Variants in SMPD3 observed in about 807,000 individuals in gnomAD.
SMPD3 encodes the protein nSMase-2.
SMPD3 carries 21 observed loss-of-function variants against 55.7 expected under a neutral mutation model. The ratio of observed to expected loss-of-function variants is 0.38; its 90% CI spans 0.27 to 0.54. SMPD3 has a LOEUF of 0.54. Ranked by LOEUF, SMPD3 falls within the 20% of genes least tolerant of loss-of-function variation. The pLI is 0.80. For synonymous variants in SMPD3, 457 were observed against 404.3 expected (o/e 1.13, Z -1.56); for missense variants, 842 against 899.6 (o/e 0.94, Z 0.82).
chr16:68,370,625 C>T (rs935521490), intron 3 of SMPD3, among the ~76,000 whole-genome samples: 5 of 152,028 alleles, frequency 3.3e-5, no homozygotes, highest in African/African-American at 1.2e-4. Context: ...GCCCAGATCA[C>T]CCAGATGGGT....
chr16:68,433,799 A>G (rs566223961), intron 1 of SMPD3, among the ~76,000 whole-genome samples: 3 of 151,598 alleles, frequency 2.0e-5, no homozygotes, highest in Admixed American at 2.0e-4. Context: ...CCCCATGAAT[A>G]TATGTTCTCA....
At position 68,383,207 on chromosome 16, in the gene SMPD3, G is replaced by A. The variant is rs80038689; in HGVS notation, c.-207+3391C>T. On this transcript the variant is annotated intron_variant, in intron 2 of 8. Transcript: ENST00000219334. ...CACCTACACTGTGCAGAGCAAGCTG[G>A]CTCAAGTCATCCCTTCTGCTCAGAG... Among the ~76,000 whole-genome samples, 264 of 152,316 alleles carry A rather than the reference G, an allele frequency of 1.7e-3. 3 individuals carry two copies. The highest frequency in any genetic ancestry group is 6.0e-3 in the African/African-American group (250 of 41,566).
At position 68,371,355 on chromosome 16, in the gene SMPD3, C is replaced by T. The variant is rs752594362; in HGVS notation, c.827G>A (p.Arg276Lys). The change falls in exon 3 of 9, where the codon AGG becomes AAG. Residue 276 changes from arginine (R) to lysine (K), a missense_variant. Arg to Lys is a conservative substitution (Grantham distance 26). Around this residue, in one of 2 missense-constraint regions of SMPD3, gnomAD observed 649 missense variants for 643.6 expected, o/e 1.01. Coordinates refer to ENST00000219334, the MANE Select transcript of SMPD3 (RefSeq NM_018667.4). ...QARNGAGGGP[R>K]GQTPNHNQQD... ...CTGATTATGGTTGGGCGTCTGGCCC[C>T]TTGGGCCCCCGCCAGCTCCGTTCCT... 3.2e-6 allele frequency: 5 copies of T among 1,578,946 alleles called. No individual in the cohort carries two copies. Among genetic ancestry groups the T allele is most frequent in the South Asian group, 1.1e-5 (1 of 87,350 alleles).
At chr16:68,366,055 A>G (rs943286087) in intron 3 of SMPD3, among the ~76,000 whole-genome samples, 1 of 152,148 alleles carries the variant, frequency 6.6e-6, no homozygotes, top group Non-Finnish European at 1.5e-5. Context: ...CAAGCCATGC[A>G]AATCCATTCC....
At chr16:68,445,594 A>G (rs1045791735) in intron 1 of SMPD3, among the ~76,000 whole-genome samples, 4 of 152,178 alleles carry the variant, frequency 2.6e-5, no homozygotes, top group African/African-American at 9.7e-5. Context: ...CCTCTACACC[A>G]TGGGGGAGTG....
intron 1 of SMPD3, among the ~76,000 whole-genome samples, chr16:68,400,935 A>G (rs1401285444): frequency 6.6e-6 from 1 of 152,234 alleles, no homozygotes; most frequent in Non-Finnish European, 1.5e-5. Flanking sequence ...AGGCCAAACA[A>G]TAATCAGATT....
chr16:68,446,278 G>C (rs1002457232), intron 1 of SMPD3, among the ~76,000 whole-genome samples: 4 of 152,188 alleles, frequency 2.6e-5, no homozygotes, highest in African/African-American at 9.7e-5. Context: ...GCTGAAGAAG[G>C]CTCCACATAG....
intron 3 of SMPD3, among the ~76,000 whole-genome samples, chr16:68,370,606 G>A (rs2151981918): frequency 1.7e-5 from 1 of 59,680 alleles, no homozygotes; most frequent in Admixed American, 1.6e-4. Flanking sequence ...TCAGAGATCT[G>A]AGGAACGGGC....
rs999669986 is a variant in SMPD3, at chr16:68,404,007, C to T, written c.-268-17348G>A. Among the ~76,000 whole-genome samples, 1 of 152,106 alleles carries T rather than the reference C, an allele frequency of 6.6e-6. No individual in the cohort carries two copies. ...ATGGTGGGCAGGATGACAACCCTGC[C>T]ATTGTTTCTCTGTTTTCTTTTTTTC... On this transcript the variant is annotated intron_variant, in intron 1 of 8. Transcript: ENST00000219334. The surrounding 1 kb of genome is among the most constrained non-coding windows in gnomAD (Gnocchi z 4.0).
intron 1 of SMPD3, among the ~76,000 whole-genome samples, chr16:68,397,366 A>G (rs1340312170): frequency 1.3e-5 from 2 of 152,162 alleles, no homozygotes; most frequent in Non-Finnish European, 2.9e-5. Flanking sequence ...GGATATCTGA[A>G]TGGTCAGAGA....
intron 1 of SMPD3, among the ~76,000 whole-genome samples, chr16:68,442,056 G>A (rs971852697): frequency 2.0e-5 from 3 of 152,198 alleles, no homozygotes; most frequent in South Asian, 4.1e-4. Flanking sequence ...ATGAGCAACC[G>A]TGCCTGGGCT....
At chr16:68,425,361 C>A (rs1277668719) in intron 1 of SMPD3, among the ~76,000 whole-genome samples, 1 of 152,180 alleles carries the variant, frequency 6.6e-6, no homozygotes, top group African/African-American at 2.4e-5. Flanking sequence ...AAGGCAGGGG[C>A]AAGAGCCCTG....
intron 5 of SMPD3, 91 bp from the exon 6 acceptor site, chr16:68,363,957 G>A (rs2089397807): frequency 3.4e-6 from 4 of 1,189,992 alleles, no homozygotes; most frequent in South Asian, 2.8e-5. Context: ...TACTCCCCAT[G>A]TGCTGCCAGG....
rs117628281 is a variant in SMPD3, at chr16:68,402,065, G to A, written c.-268-15406C>T. On this transcript the variant is annotated intron_variant, in intron 1 of 8. Transcript: ENST00000219334. ...CAAGCTCCGACTCTCCTTCACCCAC[G>A]CCACGGCTGGCTAGTGACCTTCCTC... 2.9e-3 allele frequency among the ~76,000 whole-genome samples: 448 copies of A among 152,260 alleles called. 16 individuals carry two copies. The East Asian group carries it at 0.076, about 26-fold the overall frequency.
chr16:68,443,214 C>T (rs2090581922), intron 1 of SMPD3, among the ~76,000 whole-genome samples: 1 of 152,146 alleles, frequency 6.6e-6, no homozygotes, highest in Non-Finnish European at 1.5e-5. Context: ...CCAAACCTGC[C>T]CACCTTCTGG....
Position 68,360,459 on chromosome 16 carries a change from G to A in SMPD3, c.*747C>T, listed in dbSNP as rs892156105. 1 of 152,480 alleles carries A rather than the reference G, an allele frequency of 6.6e-6. No homozygotes were observed. Among genetic ancestry groups the A allele is most frequent in the African/African-American group, 2.4e-5 (1 of 41,462 alleles). The allele number at this position is 152,480 out of a possible 1,614,324, so 9.4% of individuals were successfully genotyped here. ...GCCAGAGCCTGCCAGACTCTGTTGT[G>A]CCTGAGCTGGGGAAGGGACCCTGTC... On this transcript the variant is annotated 3_prime_UTR_variant, in exon 9 of 9. Coordinates refer to ENST00000219334, the MANE Select transcript of SMPD3 (RefSeq NM_018667.4).
chr16:68,363,826 G>A lies in SMPD3; in HGVS notation c.1596C>T (p.Tyr532=), dbSNP rs1331305086. 1 of 1,571,564 alleles carries A rather than the reference G, an allele frequency of 6.4e-7. No homozygotes were observed. The highest frequency in any genetic ancestry group is 1.2e-5 in the South Asian group (1 of 85,586). The change falls in exon 6 of 9, where the codon TAC becomes TAT. Residue 532 remains tyrosine (Y), a synonymous_variant. Transcript: ENST00000219334. ...CAGGCCCCAGGCGGCAGGGGTCCCTGTAGTGGGTGAACAGGGAGTGTTGCT... is the reference window on the plus strand; with the variant it reads ...CAGGCCCCAGGCGGCAGGGGTCCCTATAGTGGGTGAACAGGGAGTGTTGCT... ...LEQQHSLFTH[Y]RDPCRLGPGE...
intron 1 of SMPD3, among the ~76,000 whole-genome samples, chr16:68,394,340 G>C (rs928848800): frequency 6.6e-6 from 1 of 151,970 alleles, no homozygotes; most frequent in Non-Finnish European, 1.5e-5. Flanking sequence ...TAATTTCTTT[G>C]TTGTATTTGT....
chr16:68,398,683 T>A (rs2090181287), intron 1 of SMPD3, among the ~76,000 whole-genome samples: 1 of 152,274 alleles, frequency 6.6e-6, no homozygotes, highest in Non-Finnish European at 1.5e-5. Context: ...GGTTTTTGGT[T>A]TGCATTAGTT....
Sources: allele counts gnomAD v4.1 joint callset (sites outside exome capture counted in the v4.1 genomes callset), GRCh38; gene constraint gnomAD v4.1.1; regional missense constraint gnomAD v4.1.1; non-coding constraint Gnocchi (gnomAD v3.1); transcripts MANE v1.5; gene names NCBI Gene and HGNC (gene_info 2026-07-23, HGNC 2026-07-21).